The following ZSWIM5 variants were observed in gnomAD, a reference collection of about 807,000 sequenced individuals.
The protein encoded by ZSWIM5 is zinc finger SWIM domain-containing protein 5.
In ZSWIM5, 55 loss-of-function variants were observed where a neutral mutation model predicts 119.6. The observed-to-expected ratio is 0.46, with a 90% confidence interval of 0.37 to 0.58. The LOEUF (loss-of-function observed/expected upper bound fraction) is 0.58, where lower values mean the gene tolerates loss of function less well. Among genes scored for constraint, ZSWIM5 ranks in the 20% least tolerant of loss-of-function variants. The pLI is 0.00. For synonymous variants in ZSWIM5, 537 were observed against 606.9 expected, an observed-to-expected ratio of 0.88 and a Z score of 1.69; for missense variants, 1,193 against 1,512.8, an observed-to-expected ratio of 0.79 and a Z score of 3.51.
At chr1:45,087,198 T>G (rs1645335989) in intron 2 of ZSWIM5, among the ~76,000 whole-genome samples, 1 of 152,154 alleles carries the variant, frequency 6.6e-6, no homozygotes, top group African/African-American at 2.4e-5. Context: ...CTTTAAAATT[T>G]TCAATGGTTT....
chr1:45,188,285 A>C (rs1646070794), intron 1 of ZSWIM5, among the ~76,000 whole-genome samples: 1 of 152,246 alleles, frequency 6.6e-6, no homozygotes, highest in Admixed American at 6.5e-5. Flanking sequence ...AAGTACAGAT[A>C]TATGTTACAC....
intron 1 of ZSWIM5, among the ~76,000 whole-genome samples, chr1:45,155,009 C>G (rs988847706): frequency 3.3e-5 from 5 of 152,120 alleles, no homozygotes; most frequent in African/African-American, 1.2e-4. Context: ...AACCCAAAAG[C>G]AAATGCAACA....
At chr1:45,052,757 G>GA (rs5773862) in intron 4 of ZSWIM5, among the ~76,000 whole-genome samples, 9 of 146,526 alleles carry the variant, frequency 6.1e-5, no homozygotes, top group East Asian at 2.0e-4. Flanking sequence ...TGGGTGATGG[G>GA]AAAAAAAAAA....
chr1:45,093,913 G>A (rs559342858), intron 1 of ZSWIM5, among the ~76,000 whole-genome samples: 34 of 149,286 alleles, frequency 2.3e-4, no homozygotes, highest in Admixed American at 8.0e-4. Context: ...GTGCGACCAC[G>A]GCTTGCTGCA....
chr1:45,134,147 G>T (rs192767536), intron 1 of ZSWIM5, among the ~76,000 whole-genome samples: 3 of 152,262 alleles, frequency 2.0e-5, no homozygotes, highest in African/African-American at 7.2e-5. Flanking sequence ...ATTCTGTGAA[G>T]AAAGTCACTG....
At chr1:45,147,684 T>G (rs1366775266) in intron 1 of ZSWIM5, among the ~76,000 whole-genome samples, 2 of 151,890 alleles carry the variant, frequency 1.3e-5, no homozygotes, top group Admixed American at 6.6e-5. Context: ...TTCTTATTTT[T>G]CCCCTTTCTA....
intron 1 of ZSWIM5, among the ~76,000 whole-genome samples, chr1:45,089,228 T>C (rs1037653279): frequency 1.3e-5 from 2 of 152,192 alleles, no homozygotes; most frequent in Admixed American, 6.5e-5. Context: ...CAATCCGCTT[T>C]GGCTCAGCCT....
chr1:45,035,607 G>A, intron 10 of ZSWIM5, 81 bp downstream of exon 10: 2 of 1,539,800 alleles, frequency 1.3e-6, no homozygotes, highest in South Asian at 1.2e-5. Flanking sequence ...GGAAAGAAAA[G>A]AAAGTGAAAT....
At chr1:45,060,044 C>T (rs1645144011) in intron 3 of ZSWIM5, 55 bp downstream of exon 3, 2 of 1,600,548 alleles carry the variant, frequency 1.2e-6, no homozygotes, top group African/African-American at 2.7e-5. Flanking sequence ...TGTGCCCAGT[C>T]TGACTTAAGC....
At chr1:45,166,712 C>T (rs1645906361) in intron 1 of ZSWIM5, among the ~76,000 whole-genome samples, 1 of 151,990 alleles carries the variant, frequency 6.6e-6, no homozygotes. Flanking sequence ...GAGTGAACTC[C>T]CATTCACAAT....
At chr1:45,161,756 C>CA (rs1046531546) in intron 1 of ZSWIM5, among the ~76,000 whole-genome samples, 7 of 152,300 alleles carry the variant, frequency 4.6e-5, no homozygotes, top group African/African-American at 1.7e-4. Flanking sequence ...TTCATCAAGT[C>CA]AATAAGGGTT....
chr1:45,097,347 T>C (rs1424201126), intron 1 of ZSWIM5, among the ~76,000 whole-genome samples: 2 of 152,236 alleles, frequency 1.3e-5, no homozygotes, highest in Non-Finnish European at 2.9e-5. Context: ...TTCTATGTTC[T>C]TCATGGCTTA....
intron 1 of ZSWIM5, among the ~76,000 whole-genome samples, chr1:45,151,818 ATTG>A (rs1008482973): frequency 2.0e-5 from 3 of 152,226 alleles, no homozygotes; most frequent in African/African-American, 7.2e-5. Context: ...AAAGCATATA[ATTG>A]TTAAGTTTTG....
chr1:45,085,322 G>C (rs2149010537), intron 2 of ZSWIM5, among the ~76,000 whole-genome samples: 1 of 152,294 alleles, frequency 6.6e-6, no homozygotes, highest in Admixed American at 6.5e-5. Context: ...TGTGATGGGA[G>C]GGGCTGCCAT....
chr1:45,043,151 G>A (rs960325116), intron 6 of ZSWIM5, 68 bp downstream of exon 6: 7 of 1,510,258 alleles, frequency 4.6e-6, no homozygotes, highest in East Asian at 4.5e-5. Flanking sequence ...TACGTATGAA[G>A]ATGGCTCATT....
chr1:45,109,367 T>C (rs1645501091), intron 1 of ZSWIM5, among the ~76,000 whole-genome samples: 1 of 152,172 alleles, frequency 6.6e-6, no homozygotes, highest in Non-Finnish European at 1.5e-5. Flanking sequence ...CCCCATTAAT[T>C]GGCCAGCATC....
chr1:45,205,994 G>T lies in ZSWIM5; in HGVS notation c.357C>A (p.Gly119=), dbSNP rs1446342509. 6.7e-7 allele frequency: 1 copy of T among 1,495,832 alleles called. No homozygotes were observed. The allele number at this position is 1,495,832 out of a possible 1,614,324, so 92.7% of individuals were successfully genotyped here. A position where few individuals can be genotyped will look rare whatever the true frequency, so the allele number is the denominator to read the frequency against. The change falls in exon 1 of 14, where the codon GGC becomes GGA. Residue 119 remains glycine (G), a synonymous_variant. Coordinates refer to ENST00000359600, the MANE Select transcript of ZSWIM5 (RefSeq NM_020883.2). Reference sequence around the variant, plus strand: ...CGCCAGCAGCGCCGGCGCCGGGGCCGCCCCGGTACTGGAAGCTGGAGTACA... The same window carrying T: ...CGCCAGCAGCGCCGGCGCCGGGGCCTCCCCGGTACTGGAAGCTGGAGTACA... ...ICMYSSFQYR[G]GPGAGAAGGA...
At chr1:45,121,003 G>A (rs1419027433) in intron 1 of ZSWIM5, among the ~76,000 whole-genome samples, 1 of 151,772 alleles carries the variant, frequency 6.6e-6, no homozygotes, top group Non-Finnish European at 1.5e-5. Flanking sequence ...AGGCTGGAGT[G>A]TGGTGGCGCG....
chr1:45,154,084 G>A (rs545159677), intron 1 of ZSWIM5, among the ~76,000 whole-genome samples: 15 of 152,180 alleles, frequency 9.9e-5, no homozygotes, highest in Non-Finnish European at 1.5e-4. Context: ...AAACACTGGC[G>A]AAAGAAATCA....
Sources: gnomAD v4.1 joint callset for allele counts (sites outside exome capture counted in the v4.1 genomes callset) on GRCh38, gnomAD v4.1.1 for gene constraint, MANE v1.5 for transcripts, NCBI Gene and HGNC (gene_info 2026-07-23, HGNC 2026-07-21) for gene names.